DLGAP1: variants seen among roughly 807,000 people sequenced by gnomAD.
The protein encoded by DLGAP1 is DLG associated protein 1.
In DLGAP1, 11 loss-of-function variants were observed where a neutral mutation model predicts 90.8. The observed-to-expected ratio is 0.12, with a 90% CI of 0.08 to 0.20. DLGAP1 has a LOEUF of 0.20. Ranked by LOEUF, DLGAP1 falls within the 10% of genes least tolerant of loss-of-function variation. DLGAP1 has a pLI of 1.00. For synonymous variants in DLGAP1, 558 were observed against 540.7 expected (o/e 1.03, Z -0.44); for missense variants, 1,050 against 1,333.8 (o/e 0.79, Z 3.31).
At chr18:3,801,840 G>A (rs908632003) in intron 5 of DLGAP1, among the ~76,000 whole-genome samples, 3 of 152,108 alleles carry the variant, frequency 2.0e-5, no homozygotes, top group Non-Finnish European at 4.4e-5. Flanking sequence ...CTGCTGAGAT[G>A]TTAGAAGATA....
chr18:4,101,893 T>C (rs925748555), intron 2 of DLGAP1, among the ~76,000 whole-genome samples: 7 of 151,940 alleles, frequency 4.6e-5, no homozygotes, highest in African/African-American at 1.7e-4. Context: ...TATTCATATA[T>C]ATTACATATG....
In DLGAP1 at chr18:4,420,016, A is replaced by C. The variant is rs182384265; in HGVS notation, c.-267+34990T>G. ...GTAGATGGAAGAAGTTAAAGCATGGAAACACTAACCCAAGAAAGCAAGGGT... is the reference window on the plus strand; with the variant it reads ...GTAGATGGAAGAAGTTAAAGCATGGCAACACTAACCCAAGAAAGCAAGGGT... On this transcript the variant is annotated intron_variant, in intron 1 of 12. Coordinates refer to ENST00000315677, the MANE Select transcript of DLGAP1 (RefSeq NM_004746.4). Among the ~76,000 whole-genome samples, 5 of 152,314 alleles carry C rather than the reference A, an allele frequency of 3.3e-5. No homozygotes were observed. The East Asian group carries it at 9.7e-4, about 29-fold the overall frequency.
intron 5 of DLGAP1, among the ~76,000 whole-genome samples, chr18:3,791,150 TG>T (rs2065713274): frequency 6.6e-6 from 1 of 152,154 alleles, no homozygotes; most frequent in South Asian, 2.1e-4. Flanking sequence ...GGGGAATATG[TG>T]GCAGCTCCTC....
chr18:3,687,875 A>G (rs112865782), intron 7 of DLGAP1, among the ~76,000 whole-genome samples: 2 of 151,978 alleles, frequency 1.3e-5, no homozygotes, highest in African/African-American at 4.8e-5. Flanking sequence ...GCTTTATAAT[A>G]ATGAGTATAA....
At chr18:4,224,208 G>A (rs79615741) in intron 1 of DLGAP1, among the ~76,000 whole-genome samples, 3,258 of 152,264 alleles carry the variant, frequency 0.021, 98 homozygotes, top group African/African-American at 0.066. Context: ...CACACACTGT[G>A]GGCAACCACA....
chr18:3,539,493 G>A (rs2052565790), intron 9 of DLGAP1, among the ~76,000 whole-genome samples: 3 of 152,174 alleles, frequency 2.0e-5, no homozygotes, highest in African/African-American at 7.2e-5. Context: ...ACAATACTCT[G>A]TCTGTTCTGA....
intron 1 of DLGAP1, among the ~76,000 whole-genome samples, chr18:4,304,919 A>C (rs2080212100): frequency 7.1e-6 from 1 of 141,840 alleles, no homozygotes; most frequent in Admixed American, 7.4e-5. Flanking sequence ...TGACAAGAGC[A>C]AAACTGTGTC....
intron 1 of DLGAP1, among the ~76,000 whole-genome samples, chr18:4,211,829 G>A (rs1192385829): frequency 6.6e-6 from 1 of 152,140 alleles, no homozygotes; most frequent in African/African-American, 2.4e-5. Context: ...AAAAGTCACT[G>A]TAGTAATGAA....
intron 9 of DLGAP1, among the ~76,000 whole-genome samples, chr18:3,537,322 C>G (rs2052436317): frequency 6.6e-6 from 1 of 152,192 alleles, no homozygotes; most frequent in Non-Finnish European, 1.5e-5. Context: ...AGTCTGACTA[C>G]TCTAGGTACC....
chr18:3,741,875 C>T (rs1349301932), intron 6 of DLGAP1, among the ~76,000 whole-genome samples: 7 of 150,012 alleles, frequency 4.7e-5, no homozygotes, highest in African/African-American at 1.7e-4. Context: ...AAGAGTCTTG[C>T]TATGTCGCCC....
At chr18:3,554,458 C>T (rs573611611) in intron 9 of DLGAP1, among the ~76,000 whole-genome samples, 5 of 152,324 alleles carry the variant, frequency 3.3e-5, no homozygotes, top group African/African-American at 7.2e-5. Context: ...AAACGACATA[C>T]GCATTCATTA....
At chr18:4,045,432 C>CGAAAAAA (rs2075035960) in intron 2 of DLGAP1, among the ~76,000 whole-genome samples, 1 of 29,190 alleles carries the variant, frequency 3.4e-5, no homozygotes, top group Non-Finnish European at 5.9e-5. Flanking sequence ...CCCATCTCTA[C>CGAAAAAA]AAAAAAAAAA....
chr18:3,647,757 G>T (rs62083218), intron 7 of DLGAP1, among the ~76,000 whole-genome samples: 2 of 151,922 alleles, frequency 1.3e-5, no homozygotes, highest in African/African-American at 4.8e-5. Flanking sequence ...GAGCCACCAC[G>T]CCCGGTCTAT....
At chr18:3,875,929 A>C (rs9947561) in intron 4 of DLGAP1, among the ~76,000 whole-genome samples, 36,627 of 151,920 alleles carry the variant, frequency 0.24, 4,719 homozygotes, top group Middle Eastern at 0.35. Context: ...CGGGAACTAG[A>C]AGAATAGTGC....
chr18:3,947,180 A>G (rs555993655), intron 3 of DLGAP1, among the ~76,000 whole-genome samples: 9 of 152,264 alleles, frequency 5.9e-5, no homozygotes, highest in African/African-American at 2.2e-4. Context: ...AGTGTTTTTT[A>G]CAACCTAAGA....
At chr18:3,658,024 C>T (rs933860253) in intron 7 of DLGAP1, among the ~76,000 whole-genome samples, 1 of 152,174 alleles carries the variant, frequency 6.6e-6, no homozygotes. Context: ...AACAAACTTA[C>T]TATTATTATA....
intron 1 of DLGAP1, among the ~76,000 whole-genome samples, chr18:4,365,506 C>T (rs777364477): frequency 5.3e-5 from 8 of 152,010 alleles, no homozygotes; most frequent in Non-Finnish European, 7.4e-5. Flanking sequence ...ACCCTATAAA[C>T]GTACATAAAA....
chr18:3,821,288 C>CAAAAAAAAAAAAAAAAAAAAAAAAA, intron 4 of DLGAP1, among the ~76,000 whole-genome samples: 1 of 72,712 alleles, frequency 1.4e-5, no homozygotes, highest in Non-Finnish European at 2.6e-5. Flanking sequence ...GACTCTGTGT[C>CAAAAAAAAAAAAAAAAAAAAAAAAA]AAAAAAAAAA....
At chr18:3,848,910 C>T in intron 4 of DLGAP1, among the ~76,000 whole-genome samples, 1 of 152,108 alleles carries the variant, frequency 6.6e-6, no homozygotes, top group East Asian at 1.9e-4. Context: ...TTTCTTTGCT[C>T]CTCCCCCCAA....
Sources: allele counts gnomAD v4.1 joint callset (sites outside exome capture counted in the v4.1 genomes callset), GRCh38; gene constraint gnomAD v4.1.1; transcripts MANE v1.5; gene names NCBI Gene and HGNC (gene_info 2026-07-23, HGNC 2026-07-21).